Variants in RNF146 observed in about 807,000 individuals in gnomAD.
The protein encoded by RNF146 is E3 ubiquitin-protein ligase RNF146.
In RNF146, 11 loss-of-function variants were observed where a neutral mutation model predicts 29.7. The observed-to-expected ratio is 0.37, with a 90% CI of 0.23 to 0.61. RNF146 has a LOEUF of 0.61. Among genes scored for constraint, RNF146 ranks in the 20% least tolerant of loss-of-function variants. The pLI is 0.66. For synonymous variants in RNF146, 150 were observed against 159.7 expected (o/e 0.94, Z 0.46); for missense variants, 342 against 438.9 (o/e 0.78, Z 1.97).
At chr6:127,278,383 T>TCA (rs1778512311) in intron 1 of RNF146, among the ~76,000 whole-genome samples, 1 of 152,054 alleles carries the variant, frequency 6.6e-6, no homozygotes, top group Non-Finnish European at 1.5e-5. Flanking sequence ...CTTCCTTCAC[T>TCA]CTCTGGTAAC....
chr6:127,267,814 G>A (rs542369125), intron 1 of RNF146, among the ~76,000 whole-genome samples: 1 of 152,204 alleles, frequency 6.6e-6, no homozygotes, highest in Non-Finnish European at 1.5e-5. Context: ...TGTTGGGTGG[G>A]GAGTTCTCTT....
chr6:127,274,102 C>T (rs1017858355), intron 1 of RNF146, among the ~76,000 whole-genome samples: 1 of 152,000 alleles, frequency 6.6e-6, no homozygotes, highest in South Asian at 2.1e-4. Context: ...TGATAAGTTA[C>T]TTGAATTTAA....
At chr6:127,267,633 A>G (rs796162785) in intron 1 of RNF146, among the ~76,000 whole-genome samples, 5 of 152,222 alleles carry the variant, frequency 3.3e-5, no homozygotes, top group African/African-American at 1.2e-4. Context: ...GGTCTTGCCT[A>G]AAACGAAGAG....
chr6:127,270,377 T>G (rs372531773), intron 1 of RNF146, among the ~76,000 whole-genome samples: 3 of 152,226 alleles, frequency 2.0e-5, no homozygotes. Context: ...TTAAGTTTGG[T>G]GTAAAATTTA....
intron 1 of RNF146, among the ~76,000 whole-genome samples, chr6:127,275,490 T>C (rs1312787920): frequency 6.6e-6 from 1 of 152,096 alleles, no homozygotes; most frequent in Non-Finnish European, 1.5e-5. Flanking sequence ...TTTTCATTCA[T>C]CCAAAAAATA....
rs1027893156 is a variant in RNF146 at position 127,288,367 on chromosome 6, T to A, written c.*674T>A. On this transcript the variant is annotated 3_prime_UTR_variant, in exon 3 of 3. Coordinates refer to ENST00000368314, the MANE Select transcript of RNF146 (RefSeq NM_001242850.2). ...AATACTAGAGTTTATCAAAAACAGT[T>A]TGTCTCTTGTTTGAGGGTGGAAAGG... The A allele has an allele frequency of 6.0e-6, 1 of 166,878 alleles. No individual in the cohort carries two copies. The highest frequency in any genetic ancestry group is 2.4e-5 in the African/African-American group (1 of 41,436). 10.3% of individuals were successfully genotyped at this position (166,878 alleles called of 1,614,324 possible).
chr6:127,286,773 C>T lies in RNF146; in HGVS notation c.160C>T (p.His54Tyr). ...CVHPVSLPCK[H>Y]VFCYLCVKGA... ...TCATCCAGTCAGTCTGCCCTGTAAG[C>T]ACGTTTTCTGCTATCTATGTGTAAA... Residue 54 changes from histidine (H) to tyrosine (Y), a missense_variant, in exon 3 of 3, where the codon CAC becomes TAC. By Grantham distance (83) the His-to-Tyr change is moderately conservative. This residue lies in a region of RNF146 where 27 missense variants were observed against 66.0 expected (regional missense o/e 0.41). Transcript: ENST00000368314. This position sits in a 1 kb window ranked among gnomAD's most constrained non-coding sequence, Gnocchi z 4.6. 1 of 1,613,332 alleles carries T rather than the reference C, an allele frequency of 6.2e-7. No individual in the cohort carries two copies.
At chr6:127,270,642 A>G (rs998013298) in intron 1 of RNF146, among the ~76,000 whole-genome samples, 3 of 152,126 alleles carry the variant, frequency 2.0e-5, no homozygotes, top group African/African-American at 7.2e-5. Flanking sequence ...ATTATAGTTG[A>G]CCATTGAACA....
rs756972157 is a variant in RNF146 at position 127,287,582 on chromosome 6, CGATCGATCAGATCGATCGGGAACT to C, written c.980_1003del (p.Asp327_Ser334del). ...TTTCTAATGCAAACCAGACAGTACC[CGATCGATCAGATCGATCGGGAACT>C]GATCGATCAGTAGCAGGGGGTGGAA... On this transcript the variant is annotated inframe_deletion, in exon 3 of 3. Transcript: ENST00000368314. 137 of 1,612,734 alleles carry C rather than the reference CGATCGATCAGATCGATCGGGAACT, an allele frequency of 8.5e-5. No individual in the cohort carries two copies. In the African/African-American group the frequency reaches 9.6e-4, roughly 11 times the overall value.
At chr6:127,280,109 GC>G in intron 1 of RNF146, 121 bp from the exon 2 acceptor site, 1 of 522,926 alleles carries the variant, frequency 1.9e-6, no homozygotes, top group Middle Eastern at 5.1e-4. Context: ...AGTGGTAAAA[GC>G]ATGCATCTTG....
At chr6:127,277,367 T>G (rs1256320033) in intron 1 of RNF146, among the ~76,000 whole-genome samples, 3 of 151,996 alleles carry the variant, frequency 2.0e-5, no homozygotes, top group African/African-American at 7.2e-5. Context: ...GTGAAAGGGT[T>G]GAGAGGAAAG....
intron 2 of RNF146, 25 bp downstream of exon 2, chr6:127,280,365 T>C (rs987549310): frequency 4.3e-5 from 66 of 1,546,352 alleles, no homozygotes; most frequent in Non-Finnish European, 5.6e-5. Context: ...ATGGTTTTTT[T>C]CAGTGCTGCA....
chr6:127,274,004 A>G (rs1346254446), intron 1 of RNF146, among the ~76,000 whole-genome samples: 1 of 152,064 alleles, frequency 6.6e-6, no homozygotes, highest in Non-Finnish European at 1.5e-5. Flanking sequence ...CTGTTATTTC[A>G]GTACTATTAA....
chr6:127,266,799 G>GCGCGT (rs747676907), upstream of RNF146: 2 of 151,784 alleles, frequency 1.3e-5, no homozygotes, highest in Admixed American at 6.6e-5. Context: ...CGGGTGCGCG[G>GCGCGT]CGCGTCGCGG....
At chr6:127,283,384 G>A (rs980884814) in intron 2 of RNF146, among the ~76,000 whole-genome samples, 1 of 151,730 alleles carries the variant, frequency 6.6e-6, no homozygotes. Context: ...ACATTTATGA[G>A]ATAGGGAATA....
rs1414642023 is a variant in RNF146 at position 127,285,130 on chromosome 6, T to G, written c.3-1486T>G. On this transcript the variant is annotated intron_variant, in intron 2 of 2. Coordinates refer to ENST00000368314, the MANE Select transcript of RNF146 (RefSeq NM_001242850.2). ...ATTAAACATTTTAGTGATCAGTTCT[T>G]CCATTGAGACTGTGTTGGTTCCTTT... 3.8e-6 allele frequency: 3 copies of G among 784,542 alleles called. No homozygotes were observed. The East Asian group carries it at 4.0e-4, about 105-fold the overall frequency. 48.6% of individuals were successfully genotyped at this position (784,542 alleles called of 1,614,324 possible).
chr6:127,273,878 C>G (rs1429392136), intron 1 of RNF146, among the ~76,000 whole-genome samples: 1 of 152,042 alleles, frequency 6.6e-6, no homozygotes, highest in Non-Finnish European at 1.5e-5. Flanking sequence ...CTGATACATT[C>G]TTTTGTTTAC....
At chr6:127,272,704 A>G (rs1202643750) in intron 1 of RNF146, among the ~76,000 whole-genome samples, 2 of 152,226 alleles carry the variant, frequency 1.3e-5, no homozygotes, top group East Asian at 3.8e-4. Flanking sequence ...AAATAAAAGA[A>G]TGCTCAAAGA....
At chr6:127,270,134 G>A (rs1777261007) in intron 1 of RNF146, among the ~76,000 whole-genome samples, 1 of 152,020 alleles carries the variant, frequency 6.6e-6, no homozygotes, top group Admixed American at 6.6e-5. Flanking sequence ...TGAGTATTTT[G>A]AGTTGTTACA....
Sources: allele counts gnomAD v4.1 joint callset (sites outside exome capture counted in the v4.1 genomes callset), GRCh38; gene constraint gnomAD v4.1.1; regional missense constraint gnomAD v4.1.1; non-coding constraint Gnocchi (gnomAD v3.1); transcripts MANE v1.5; gene names NCBI Gene and HGNC (gene_info 2026-07-23, HGNC 2026-07-21).